TMEM106C: variants seen among roughly 807,000 people sequenced by gnomAD.
TMEM106C encodes the protein endoplasmic reticulum membrane protein overexpressed in cancer.
Under a neutral mutation model 30.8 loss-of-function variants are expected in TMEM106C, and 27 were observed. The ratio of observed to expected loss-of-function variants is 0.88; its 90% CI spans 0.65 to 1.21. TMEM106C has a LOEUF of 1.21. Ranked by LOEUF, TMEM106C falls within the 50% of genes most tolerant of loss-of-function variation. TMEM106C has a pLI of 0.00. For synonymous variants in TMEM106C, 123 were observed against 118.8 expected (o/e 1.04, Z -0.23); for missense variants, 288 against 307.8 (o/e 0.94, Z 0.48).
intron 4 of TMEM106C, 41 bp from the exon 5 acceptor site, chr12:47,966,048 C>A: frequency 6.2e-7 from 1 of 1,614,148 alleles, no homozygotes; most frequent in South Asian, 1.1e-5. Context: ...AGGCTGGGAC[C>A]CAGGACACTT....
At chr12:47,967,163 T>C (rs1938257428) in intron 6 of TMEM106C, 45 bp from the exon 7 acceptor site, 1 of 1,534,344 alleles carries the variant, frequency 6.5e-7, no homozygotes, top group African/African-American at 1.6e-5. Context: ...TACTGAGGCT[T>C]TAAAAAAAAA....
chr12:47,964,631 G>A (rs751919880), intron 2 of TMEM106C: 24 of 574,542 alleles, frequency 4.2e-5, no homozygotes, highest in Non-Finnish European at 6.5e-5. Flanking sequence ...TTTCTTTACC[G>A]CCACTCTTGT....
chr12:47,965,980 G>A lies in TMEM106C; in HGVS notation c.394G>A (p.Val132Ile). ...KVTFNKQDSLVILTIMATLKI... is the reference protein window; with the variant it reads ...KVTFNKQDSLIILTIMATLKI... ...CACATTTAATAAGCAAGACTCCCTT[G>A]TAATTCTCACCATCATGGTAAGCCT... is the stretch of plus-strand genomic sequence containing the variant. Residue 132 changes from valine to isoleucine, a missense_variant, in exon 4 of 8, where the codon GTA becomes ATA. Val to Ile is a conservative substitution (Grantham distance 29). Coordinates refer to ENST00000429772, the MANE Select transcript of TMEM106C (RefSeq NM_001143842.2). 1 of 1,614,234 alleles carries A rather than the reference G, an allele frequency of 6.2e-7. No homozygotes were observed. Among genetic ancestry groups the A allele is most frequent in the African/African-American group, 1.3e-5 (1 of 75,052 alleles).
At chr12:47,967,163 T>TAAAAAAA in intron 6 of TMEM106C, 45 bp from the exon 7 acceptor site, 3 of 1,534,332 alleles carry the variant, frequency 2.0e-6, no homozygotes, top group African/African-American at 3.2e-5. Context: ...TACTGAGGCT[T>TAAAAAAA]TAAAAAAAAA....
chr12:47,963,598 G>T lies in TMEM106C; in HGVS notation c.-135G>T, dbSNP rs184519385. On this transcript the variant is annotated 5_prime_UTR_variant, in exon 1 of 8. Coordinates refer to ENST00000429772, the MANE Select transcript of TMEM106C (RefSeq NM_001143842.2). ...CGGGCTTGGTATTTGGCGCCTGCGC[G>T]CTGAGTGCGTGCCGCTCCGCCGACC... is the stretch of plus-strand genomic sequence containing the variant. The T allele has an allele frequency of 3.3e-5, 5 of 152,452 alleles. No individual in the cohort carries two copies. In the East Asian group the frequency reaches 7.7e-4, roughly 24 times the overall value. 9.4% of individuals were successfully genotyped at this position (152,452 alleles called of 1,614,324 possible). A position where few individuals can be genotyped will look rare whatever the true frequency, so the allele number is the denominator to read the frequency against.
chr12:47,963,819 A>G, intron 1 of TMEM106C, 115 bp downstream of exon 1: 1 of 235,680 alleles, frequency 4.2e-6, no homozygotes, highest in South Asian at 5.2e-5. Flanking sequence ...GTGGAGAGGA[A>G]TGGGAATCGT....
rs1319786710 is a variant in TMEM106C at position 47,968,730 on chromosome 12, GAA to G, written c.*503_*504del. 1.3e-5 allele frequency: 2 copies of G among 150,460 alleles called. No individual in the cohort carries two copies. The highest frequency in any genetic ancestry group is 2.8e-5 in the Non-Finnish European group (2 of 70,398). The allele number at this position is 150,460 out of a possible 1,614,324, so 9.3% of individuals were successfully genotyped here. ...CAAAGGCCTGGGAGCTTTTTGAAAA[GAA>G]AGAAAAAAGTGTGTTGGCTTTTTTT... is the stretch of plus-strand genomic sequence containing the variant. On this transcript the variant is annotated 3_prime_UTR_variant, in exon 8 of 8. Transcript: ENST00000429772.
intron 2 of TMEM106C, chr12:47,964,782 A>G: frequency 3.0e-6 from 1 of 336,224 alleles, no homozygotes; most frequent in East Asian, 7.6e-5. Context: ...GGAAATGGGT[A>G]GCTAATCCTT....
intron 3 of TMEM106C, 25 bp from the exon 4 acceptor site, chr12:47,965,813 C>A (rs753098468): frequency 6.2e-7 from 1 of 1,611,888 alleles, no homozygotes; most frequent in South Asian, 1.1e-5. Context: ...CTGCCTGGGT[C>A]GGTCATGTGC....
In TMEM106C at chr12:47,965,823, C is replaced by CTG. The variant is rs748841158; in HGVS notation, c.252-11_252-10dup. ...TCTGACTGCCTGGGTCGGTCATGTG[C>CTG]TGTGTCATTTGCAGTAAGCAATATG... On this transcript the variant is annotated splice_polypyrimidine_tract_variant and intron_variant, in intron 3 of 7. Transcript: ENST00000429772. 3.1e-6 allele frequency: 5 copies of CTG among 1,613,952 alleles called. No individual in the cohort carries two copies. In the South Asian group the frequency reaches 5.5e-5, roughly 18 times the overall value.
chr12:47,968,116 G>A lies in TMEM106C; in HGVS notation c.657-17G>A, dbSNP rs1938303780. The A allele has an allele frequency of 1.3e-6, 2 of 1,597,462 alleles. No individual in the cohort carries two copies. Among genetic ancestry groups the A allele is most frequent in the South Asian group, 2.2e-5 (2 of 90,578 alleles). ...CCCCCAAACATAATTAATTCTTCTT[G>A]GTTTTCTTTTCCCTAGAACTTCAGT... On this transcript the variant is annotated splice_polypyrimidine_tract_variant and intron_variant, in intron 7 of 7. Coordinates refer to ENST00000429772, the MANE Select transcript of TMEM106C (RefSeq NM_001143842.2).
chr12:47,966,351 A>G, intron 5 of TMEM106C, 122 bp downstream of exon 5: 1 of 1,187,222 alleles, frequency 8.4e-7, no homozygotes, highest in African/African-American at 1.5e-5. Context: ...GGAACTGGTG[A>G]TGAGGAAGAC....
chr12:47,966,943 G>A, intron 6 of TMEM106C: 1 of 637,858 alleles, frequency 1.6e-6, no homozygotes, highest in South Asian at 2.0e-5. Flanking sequence ...CAGAAGTGCT[G>A]GAATTTCTAA....
At chr12:47,964,671 C>G (rs997042461) in intron 2 of TMEM106C, 1 of 515,402 alleles carries the variant, frequency 1.9e-6, no homozygotes, top group African/African-American at 1.9e-5. Flanking sequence ...ACATTCAGTT[C>G]GCTCTGTGTT....
chr12:47,968,044 C>T, intron 7 of TMEM106C, 89 bp from the exon 8 acceptor site: 5 of 1,012,612 alleles, frequency 4.9e-6, no homozygotes, highest in Non-Finnish European at 7.7e-6. Context: ...GTATTGTTCT[C>T]TGAACTTGCA....
chr12:47,966,297 A>G (rs1382277559), intron 5 of TMEM106C, 68 bp downstream of exon 5: 1 of 1,559,172 alleles, frequency 6.4e-7, no homozygotes, highest in Non-Finnish European at 8.7e-7. Context: ...TAGGAATGCC[A>G]TAGCTGTGTC....
chr12:47,967,112 G>A, intron 6 of TMEM106C, 96 bp from the exon 7 acceptor site: 2 of 1,289,628 alleles, frequency 1.6e-6, no homozygotes, highest in South Asian at 2.4e-5. Flanking sequence ...GGAAGGGGGA[G>A]GGGGGCACCC....
chr12:47,964,147 A>G (rs1185683394), intron 1 of TMEM106C, 62 bp from the exon 2 acceptor site: 1 of 1,433,740 alleles, frequency 7.0e-7, no homozygotes, highest in Non-Finnish European at 9.5e-7. Context: ...TCTTATAGAA[A>G]CAAGCGATTT....
At chr12:47,966,583 G>A (rs1592186328) in intron 5 of TMEM106C, 100 bp from the exon 6 acceptor site, 2 of 1,299,326 alleles carry the variant, frequency 1.5e-6, no homozygotes, top group East Asian at 4.6e-5. Context: ...TATTTTGCAT[G>A]TGATGGAAGA....
Sources: gnomAD v4.1 joint callset for allele counts on GRCh38, gnomAD v4.1.1 for gene constraint, MANE v1.5 for transcripts, NCBI Gene and HGNC (gene_info 2026-07-23, HGNC 2026-07-21) for gene names.